The following CD163L1 variants were observed in gnomAD, a reference collection of about 807,000 sequenced individuals.
CD163L1 encodes CD163 molecule like 1, also known as scavenger receptor cysteine-rich type 1 protein M160.
CD163L1 carries 124 observed loss-of-function variants against 165.4 expected under a neutral mutation model. The observed-to-expected ratio is 0.75, with a 90% CI of 0.65 to 0.87. The LOEUF is 0.87. Among genes scored for constraint, CD163L1 ranks in the 40% least tolerant of loss-of-function variants. The pLI is 0.00. For missense variants in CD163L1, 1,525 were observed against 1,799.9 expected (o/e 0.85, Z 2.76); for synonymous variants, 585 against 662.2 (o/e 0.88, Z 1.79).
chr12:7,368,899 A>G lies in CD163L1; in HGVS notation c.4072+34T>C, dbSNP rs781647124. On this transcript the variant is annotated intron_variant, in intron 16 of 19. Coordinates refer to ENST00000313599, the MANE Select transcript of CD163L1 (RefSeq NM_174941.6). This position sits in a 1 kb window ranked among gnomAD's most constrained non-coding sequence, Gnocchi z 4.3. ...CTTGACCTTCCATGTAGCCTTAGGT[A>G]TTTGTGTCAGCACTGATAGGCAGAA... 24 of 1,609,234 alleles carry G rather than the reference A, an allele frequency of 1.5e-5. No homozygotes were observed. The South Asian group carries it at 2.4e-4, about 16-fold the overall frequency.
chr12:7,325,603 C>A, the CD163L1 span, among the ~76,000 whole-genome samples: 2 of 152,134 alleles, frequency 1.3e-5, no homozygotes, highest in African/African-American at 4.8e-5. Context: ...GCCAAGATTG[C>A]ACCACTGTAC....
At chr12:7,388,981 C>T (rs1166492889) in intron 8 of CD163L1, among the ~76,000 whole-genome samples, 1 of 152,066 alleles carries the variant, frequency 6.6e-6, no homozygotes, top group East Asian at 1.9e-4. Context: ...GTATATGTAC[C>T]ACATTTTCCT....
downstream of CD163L1, among the ~76,000 whole-genome samples, chr12:7,352,818 GCAA>G (rs1441934113): frequency 1.3e-5 from 2 of 152,022 alleles, no homozygotes. Context: ...AAAACAAACA[GCAA>G]CAACAACTGC....
the CD163L1 span, among the ~76,000 whole-genome samples, chr12:7,333,305 G>A: frequency 2.6e-5 from 4 of 152,200 alleles, no homozygotes; most frequent in South Asian, 2.1e-4. Flanking sequence ...AGACCACAGT[G>A]CAATCAAACT....
intron 14 of CD163L1, 47 bp downstream of exon 14, chr12:7,373,273 T>G: frequency 1.3e-6 from 2 of 1,495,404 alleles, no homozygotes; most frequent in Non-Finnish European, 1.8e-6. Flanking sequence ...TGGTAAGTTA[T>G]ATTTCACAGG....
rs1425038075 is a variant in CD163L1, at chr12:7,400,911, A to G, written c.1409-2327T>C. Among the ~76,000 whole-genome samples the G allele has an allele frequency of 6.6e-6, 1 of 152,242 alleles. No individual in the cohort carries two copies. Among genetic ancestry groups the G allele is most frequent in the Non-Finnish European group, 1.5e-5 (1 of 68,048 alleles). On this transcript the variant is annotated intron_variant, in intron 6 of 19. Transcript: ENST00000313599. The surrounding 1 kb of genome is among the most constrained non-coding windows in gnomAD (Gnocchi z 4.1). The stretch of plus-strand genomic sequence containing the variant: ...TAAAGGGACTCTATAAAATACACAG[A>G]GTTCTTACACATTATGAAGACAAAG...
At chr12:7,427,260 G>C (rs1948560410) in intron 4 of CD163L1, among the ~76,000 whole-genome samples, 1 of 151,992 alleles carries the variant, frequency 6.6e-6, no homozygotes, top group African/African-American at 2.4e-5. Context: ...CTTTTAAAGG[G>C]CATCAAATAT....
rs1170275961 is a variant in CD163L1, at chr12:7,368,895, AG to A, written c.4072+37del. The A allele has an allele frequency of 6.2e-7, 1 of 1,607,940 alleles. No homozygotes were observed. Among genetic ancestry groups the A allele is most frequent in the African/African-American group, 1.3e-5 (1 of 74,740 alleles). On this transcript the variant is annotated intron_variant, in intron 16 of 19. Coordinates refer to ENST00000313599, the MANE Select transcript of CD163L1 (RefSeq NM_174941.6). This position sits in a 1 kb window ranked among gnomAD's most constrained non-coding sequence, Gnocchi z 4.3. ...CTCCCTTGACCTTCCATGTAGCCTT[AG>A]GTATTTGTGTCAGCACTGATAGGCA...
intron 5 of CD163L1, among the ~76,000 whole-genome samples, chr12:7,405,556 T>C (rs1947999579): frequency 6.6e-6 from 1 of 152,188 alleles, no homozygotes; most frequent in Admixed American, 6.6e-5. Flanking sequence ...ATAAATCCCG[T>C]GGCTAAGGTA....
chr12:7,323,319 G>A, the CD163L1 span: 20 of 1,609,516 alleles, frequency 1.2e-5, no homozygotes, highest in Non-Finnish European at 1.7e-5. Flanking sequence ...GTCCAGGTAG[G>A]TTGAGAAAAT....
chr12:7,326,553 G>A, the CD163L1 span, among the ~76,000 whole-genome samples: 4 of 152,048 alleles, frequency 2.6e-5, no homozygotes, highest in Admixed American at 6.5e-5. Context: ...TCCTTCCTCC[G>A]TTGAGACCCT....
At position 7,375,499 on chromosome 12, in the gene CD163L1, T is replaced by C. The variant is rs1591894065; in HGVS notation, c.2783A>G (p.His928Arg). 1.2e-6 allele frequency: 2 copies of C among 1,614,154 alleles called. No homozygotes were observed. Among genetic ancestry groups the C allele is most frequent in the East Asian group, 2.2e-5 (1 of 44,882 alleles). Residue 928 changes from histidine (H) to arginine (R), a missense_variant, in exon 11 of 20, where the codon CAC becomes CGC. Physicochemically the swap from His to Arg is conservative, Grantham distance 29 (BLOSUM62 0). Coordinates refer to ENST00000313599, the MANE Select transcript of CD163L1 (RefSeq NM_174941.6). ...LGHWGSLCDT[H>R]WDPEDARVLC... is the part of the protein sequence containing the mutation. ...AACACGGGCATCTTCTGGGTCCCAG[T>C]GGGTGTCACACAGTGAGCCCCAGTG...
the CD163L1 span, chr12:7,326,837 C>A: frequency 1.1e-6 from 1 of 943,496 alleles, no homozygotes; most frequent in Non-Finnish European, 1.5e-6. Context: ...AAGCTTTGTT[C>A]AGAGGTAACC....
chr12:7,439,248 A>G (rs1257009205), intron 2 of CD163L1: 13 of 1,564,102 alleles, frequency 8.3e-6, no homozygotes, highest in Middle Eastern at 1.7e-4. Flanking sequence ...TTGTTTTTCT[A>G]TTTTCTTTGG....
intron 18 of CD163L1, among the ~76,000 whole-genome samples, chr12:7,361,147 G>GTA (rs1283757673): frequency 6.6e-6 from 1 of 151,974 alleles, no homozygotes; most frequent in African/African-American, 2.4e-5. Context: ...GATTTGAGTA[G>GTA]TATATATATA....
At chr12:7,440,414 C>T (rs1345030596) in intron 2 of CD163L1, among the ~76,000 whole-genome samples, 1 of 151,418 alleles carries the variant, frequency 6.6e-6, no homozygotes. Flanking sequence ...CCCAGCCCGG[C>T]CAGCTCCCGC....
chr12:7,440,625 TTTTC>T (rs1948818290), intron 2 of CD163L1, among the ~76,000 whole-genome samples: 1 of 98,682 alleles, frequency 1.0e-5, no homozygotes, highest in Non-Finnish European at 1.9e-5. Flanking sequence ...TCTTTATCTT[TTTTC>T]TTTTTTTTTT....
chr12:7,369,617 T>C lies in CD163L1; in HGVS notation c.3779A>G (p.Glu1260Gly). ...GGDTECSGRV[E>G]IWHAGSWGTV... ...GCCCCAGGAGCCTGCGTGCCAGATCTCCACTCTCCCAGAGCACTCGGTGTC... is the reference window on the plus strand; with the variant it reads ...GCCCCAGGAGCCTGCGTGCCAGATCCCCACTCTCCCAGAGCACTCGGTGTC... Residue 1260 changes from glutamate (E) to glycine (G), a missense_variant, in exon 15 of 20, where the codon GAG becomes GGG. Physicochemically the swap from Glu to Gly is moderately conservative, Grantham distance 98. Coordinates refer to ENST00000313599, the MANE Select transcript of CD163L1 (RefSeq NM_174941.6). This position sits in a 1 kb window ranked among gnomAD's most constrained non-coding sequence, Gnocchi z 4.9. 6.2e-7 allele frequency: 1 copy of C among 1,614,092 alleles called. No individual in the cohort carries two copies. The highest frequency in any genetic ancestry group is 1.6e-4 in the Middle Eastern group (1 of 6,062).
intron 18 of CD163L1, among the ~76,000 whole-genome samples, chr12:7,366,994 G>A (rs763728796): frequency 1.3e-5 from 2 of 152,096 alleles, no homozygotes; most frequent in Non-Finnish European, 2.9e-5. Context: ...AGTCTTCTTT[G>A]CTTGGTGCCT....
Sources: allele counts gnomAD v4.1 joint callset (sites outside exome capture counted in the v4.1 genomes callset), GRCh38; gene constraint gnomAD v4.1.1; non-coding constraint Gnocchi (gnomAD v3.1); transcripts MANE v1.5; gene names NCBI Gene and HGNC (gene_info 2026-07-23, HGNC 2026-07-21).